Variants in PTPRD observed in about 807,000 individuals in gnomAD.
PTPRD encodes protein tyrosine phosphatase receptor type D.
In PTPRD, 34 loss-of-function variants were observed where a neutral mutation model predicts 214.5. The observed-to-expected ratio is 0.16, with a 90% CI of 0.12 to 0.21. PTPRD has a LOEUF of 0.21. PTPRD is among the 10% of genes least tolerant of loss of function. The pLI, the probability that PTPRD is intolerant of heterozygous loss-of-function variation, is 1.00. For synonymous variants in PTPRD, 1,128 were observed against 845.7 expected, an observed-to-expected ratio of 1.33 and a Z score of -5.79; for missense variants, 2,545 against 2,398.7, an observed-to-expected ratio of 1.06 and a Z score of -1.27.
intron 3 of PTPRD, among the ~76,000 whole-genome samples, chr9:10,255,931 C>T (rs1011805298): frequency 4.6e-5 from 7 of 152,124 alleles, no homozygotes; most frequent in Non-Finnish European, 8.8e-5. Context: ...CTGTCCTTGG[C>T]GTGTTAGGAA....
intron 3 of PTPRD, among the ~76,000 whole-genome samples, chr9:10,089,953 G>T (rs1172823769): frequency 6.6e-6 from 1 of 151,558 alleles, no homozygotes; most frequent in East Asian, 1.9e-4. Context: ...GGTGATTAAT[G>T]AAATAGTCTA....
At chr9:10,375,874 T>C (rs186503513) in intron 2 of PTPRD, among the ~76,000 whole-genome samples, 1 of 152,040 alleles carries the variant, frequency 6.6e-6, no homozygotes, top group Non-Finnish European at 1.5e-5. Context: ...TGAGATTAGC[T>C]TATCGTGCCC....
intron 11 of PTPRD, among the ~76,000 whole-genome samples, chr9:8,993,267 C>T (rs1055227125): frequency 1.1e-4 from 16 of 152,128 alleles, no homozygotes; most frequent in African/African-American, 3.9e-4. Context: ...GGTTGCTTAA[C>T]TATTTCCTCA....
chr9:8,934,446 T>A (rs1265431413), intron 11 of PTPRD, among the ~76,000 whole-genome samples: 1,687 of 37,410 alleles, frequency 0.045, 127 homozygotes, highest in African/African-American at 0.1. Context: ...AATATATATA[T>A]AAATTTATAT....
At chr9:8,734,651 A>G (rs2098698036) in intron 11 of PTPRD, among the ~76,000 whole-genome samples, 1 of 152,256 alleles carries the variant, frequency 6.6e-6, no homozygotes, top group Admixed American at 6.5e-5. Context: ...AACTATTTTT[A>G]GAGCACCTAC....
intron 10 of PTPRD, among the ~76,000 whole-genome samples, chr9:9,101,339 C>T (rs1276688535): frequency 6.6e-6 from 1 of 152,074 alleles, no homozygotes; most frequent in Non-Finnish European, 1.5e-5. Flanking sequence ...GAAGACAGAA[C>T]ATTAATTATA....
chr9:9,026,694 T>C (rs1338753209), intron 10 of PTPRD, among the ~76,000 whole-genome samples: 1 of 152,016 alleles, frequency 6.6e-6, no homozygotes, highest in African/African-American at 2.4e-5. Context: ...TGCATCGACA[T>C]TAATGCTGAA....
intron 2 of PTPRD, among the ~76,000 whole-genome samples, chr9:10,502,315 A>C (rs896699814): frequency 2.0e-5 from 3 of 151,946 alleles, no homozygotes; most frequent in African/African-American, 7.2e-5. Flanking sequence ...AGGAGAAAGA[A>C]CATATAAAAT....
rs1588356259 is a variant in PTPRD at position 8,934,447 on chromosome 9, AAATTT to A, written c.-104+84245_-104+84249del. ...TATATATATATATAAATATATATATAAATTTATATATATATAAATATATATATATA... is the reference window on the plus strand; with the variant it reads ...TATATATATATATAAATATATATATAATATATATATAAATATATATATATA... On this transcript the variant is annotated intron_variant, in intron 11 of 45. Coordinates refer to ENST00000381196, the MANE Select transcript of PTPRD (RefSeq NM_002839.4). Among the ~76,000 whole-genome samples the A allele has an allele frequency of 1.1e-4, 3 of 27,956 alleles. No homozygotes were observed. The East Asian group carries it at 1.9e-3, about 18-fold the overall frequency. The allele number at this position is 27,956 out of a possible 152,430, so 18.3% of individuals were successfully genotyped here.
chr9:10,471,087 T>G (rs930254054), intron 2 of PTPRD, among the ~76,000 whole-genome samples: 2 of 151,252 alleles, frequency 1.3e-5, no homozygotes. Flanking sequence ...TAAGCGGGAG[T>G]TGAACAATGA....
intron 11 of PTPRD, among the ~76,000 whole-genome samples, chr9:8,834,976 A>C (rs1165579956): frequency 6.6e-6 from 1 of 152,206 alleles, no homozygotes; most frequent in African/African-American, 2.4e-5. Context: ...CTTTTGCCTA[A>C]AGAGGTTGGC....
At chr9:9,119,928 G>A (rs75168511) in intron 10 of PTPRD, among the ~76,000 whole-genome samples, 4,645 of 151,438 alleles carry the variant, frequency 0.031, 124 homozygotes, top group East Asian at 0.071. Flanking sequence ...TGACTAGATC[G>A]CTATGCATTA....
intron 11 of PTPRD, among the ~76,000 whole-genome samples, chr9:8,905,672 G>C (rs1326919761): frequency 6.6e-6 from 1 of 150,442 alleles, no homozygotes. Flanking sequence ...CAGGGAGACC[G>C]AGGTTGCAGT....
intron 12 of PTPRD, among the ~76,000 whole-genome samples, chr9:8,663,152 T>C (rs2097098352): frequency 6.6e-6 from 1 of 151,540 alleles, no homozygotes. Flanking sequence ...GTCTTTTGAT[T>C]GAAAGCTAAT....
intron 8 of PTPRD, among the ~76,000 whole-genome samples, chr9:9,461,403 A>C (rs1271395921): frequency 6.6e-6 from 1 of 152,092 alleles, no homozygotes; most frequent in Non-Finnish European, 1.5e-5. Context: ...TATGACTTTT[A>C]AATTAATGTC....
intron 21 of PTPRD, among the ~76,000 whole-genome samples, chr9:8,511,077 A>C (rs759602061): frequency 2.0e-5 from 3 of 151,914 alleles, no homozygotes; most frequent in Middle Eastern, 3.2e-3. Flanking sequence ...TTATATATTT[A>C]TTTAGTTTTG....
chr9:10,165,053 G>A (rs2099151014), intron 3 of PTPRD, among the ~76,000 whole-genome samples: 1 of 151,644 alleles, frequency 6.6e-6, no homozygotes, highest in South Asian at 2.1e-4. Context: ...ATTAGAAGAT[G>A]TAGGAAATAC....
chr9:9,004,485 T>G (rs770594461), intron 11 of PTPRD, among the ~76,000 whole-genome samples: 4 of 151,998 alleles, frequency 2.6e-5, no homozygotes, highest in Non-Finnish European at 5.9e-5. Context: ...TGGCTGTTTT[T>G]TTTTACTTGG....
chr9:8,713,731 GC>G (rs1188655860), intron 12 of PTPRD: 37 of 1,507,422 alleles, frequency 2.5e-5, no homozygotes, highest in Non-Finnish European at 3.3e-5. Context: ...ACGCCGGCAG[GC>G]TGTCAAGCAG....
Sources: allele counts gnomAD v4.1 joint callset (sites outside exome capture counted in the v4.1 genomes callset), GRCh38; gene constraint gnomAD v4.1.1; transcripts MANE v1.5; gene names NCBI Gene and HGNC (gene_info 2026-07-23, HGNC 2026-07-21).